The following GTF2IRD2B variants were observed in gnomAD, a reference collection of about 807,000 sequenced individuals.
GTF2IRD2B encodes general transcription factor II-I repeat domain-containing protein 2B.
In GTF2IRD2B, 10 loss-of-function variants were observed where a neutral mutation model predicts 55.6. The ratio of observed to expected loss-of-function variants is 0.18; its 90% confidence interval spans 0.11 to 0.31. The LOEUF (loss-of-function observed/expected upper bound fraction) is 0.31, where lower values mean the gene tolerates loss of function less well. GTF2IRD2B is among the 10% of genes least tolerant of loss of function. The pLI is 1.00. For missense variants in GTF2IRD2B, 206 were observed against 802.7 expected (o/e 0.26, Z 8.98); for synonymous variants, 107 against 320.5 (o/e 0.33, Z 7.12).
At chr7:75,115,507 T>C (rs1442972692) in intron 3 of GTF2IRD2B, among the ~76,000 whole-genome samples, 34 of 144,362 alleles carry the variant, frequency 2.4e-4, no homozygotes, top group Admixed American at 6.3e-4. Flanking sequence ...GACCACAACC[T>C]CTGCCTCCTC....
chr7:75,130,091 C>CTCT (rs1554452780), intron 8 of GTF2IRD2B, among the ~76,000 whole-genome samples: 1 of 77,518 alleles, frequency 1.3e-5, no homozygotes, highest in African/African-American at 4.7e-5. Flanking sequence ...AATTTATTTT[C>CTCT]TCTTTCTTTC....
chr7:75,116,625 G>A (rs1808165707), intron 3 of GTF2IRD2B, among the ~76,000 whole-genome samples: 1 of 134,806 alleles, frequency 7.4e-6, no homozygotes, highest in Non-Finnish European at 1.6e-5. Flanking sequence ...GGGAGAGAGG[G>A]CATCTTTGCC....
intron 1 of GTF2IRD2B, among the ~76,000 whole-genome samples, chr7:75,096,399 G>A (rs1360319896): frequency 4.2e-5 from 1 of 23,926 alleles, no homozygotes; most frequent in African/African-American, 3.2e-4. Context: ...GGGATTACAG[G>A]TGCGTGCCAC....
intron 8 of GTF2IRD2B, 161 bp downstream of exon 8, chr7:75,126,546 CA>C: frequency 1.4e-6 from 1 of 696,406 alleles, no homozygotes; most frequent in Admixed American, 2.1e-5. Context: ...CCTAAAAATA[CA>C]AAAATTAGCC....
intron 3 of GTF2IRD2B, among the ~76,000 whole-genome samples, chr7:75,114,304 C>T (rs1242893813): frequency 1.3e-5 from 2 of 151,476 alleles, no homozygotes; most frequent in African/African-American, 4.9e-5. Context: ...TTTCTAATCA[C>T]TGGAATTTAC....
chr7:75,132,726 T>C (rs1341143547), intron 8 of GTF2IRD2B, among the ~76,000 whole-genome samples: 1 of 145,612 alleles, frequency 6.9e-6, no homozygotes, highest in Non-Finnish European at 1.5e-5. Flanking sequence ...CTAATTTTTG[T>C]AGTTTTAGTA....
chr7:75,101,786 C>G (rs1554449570), intron 1 of GTF2IRD2B, among the ~76,000 whole-genome samples: 1 of 141,250 alleles, frequency 7.1e-6, no homozygotes, highest in Admixed American at 7.5e-5. Flanking sequence ...CCTAGCTACT[C>G]AGGAGGCTGA....
At chr7:75,105,520 G>C (rs71273593) in intron 1 of GTF2IRD2B, among the ~76,000 whole-genome samples, 7 of 151,412 alleles carry the variant, frequency 4.6e-5, no homozygotes, top group Admixed American at 3.9e-4. Flanking sequence ...CAAACAAACA[G>C]ACAACCAAAT....
chr7:75,099,781 T>TAAATAAATAAAA (rs1486185057), intron 1 of GTF2IRD2B, among the ~76,000 whole-genome samples: 54 of 139,464 alleles, frequency 3.9e-4, no homozygotes, highest in Non-Finnish European at 6.2e-4. Context: ...AATAAATAAA[T>TAAATAAATAAAA]AAAACATAAT....
At chr7:75,110,876 CAAGGT>C in intron 2 of GTF2IRD2B, among the ~76,000 whole-genome samples, 1 of 71,536 alleles carries the variant, frequency 1.4e-5, no homozygotes, top group African/African-American at 3.4e-5. Context: ...AGGCAGATCA[CAAGGT>C]CAGGAGTTCG....
At chr7:75,147,503 C>T (rs587682495) in intron 15 of GTF2IRD2B, among the ~76,000 whole-genome samples, 191 bp from the exon 16 acceptor site, 16 of 152,170 alleles carry the variant, frequency 1.1e-4, no homozygotes, top group African/African-American at 2.2e-4. Flanking sequence ...CCACAGCTGG[C>T]GTCCTGGCAG....
In GTF2IRD2B at chr7:75,147,881, G is replaced by A. The variant is rs371141430; in HGVS notation, c.1434G>A (p.Thr478=). 1.4e-5 allele frequency: 21 copies of A among 1,494,958 alleles called. No individual in the cohort carries two copies. In the African/African-American group the frequency reaches 1.8e-4, roughly 13 times the overall value. 92.6% of individuals were successfully genotyped at this position (1,494,958 alleles called of 1,614,324 possible). Residue 478 remains threonine (T), a synonymous_variant, in exon 16 of 16, where the codon ACG becomes ACA. Coordinates refer to ENST00000472837, the MANE Select transcript of GTF2IRD2B (RefSeq NM_001003795.3). ...TNHSKHYDQY[T]ERMRDEKLHE... ...ACAGCAAGCATTATGACCAGTATAC[G>A]GAAAGAATGCGTGACGAGAAGCTTC...
chr7:75,135,114 T>C (rs587698831), intron 10 of GTF2IRD2B, 57 bp downstream of exon 10: 4 of 1,119,934 alleles, frequency 3.6e-6, no homozygotes, highest in South Asian at 3.1e-5. Flanking sequence ...TAGAAGTTTA[T>C]AGTATTTTAC....
At chr7:75,121,699 T>C (rs1233285979) in intron 4 of GTF2IRD2B, among the ~76,000 whole-genome samples, 2 of 151,722 alleles carry the variant, frequency 1.3e-5, no homozygotes, top group Non-Finnish European at 2.9e-5. Context: ...CCTCAGGTGA[T>C]CCTCCTGCCT....
At chr7:75,105,422 C>T (rs1321114099) in intron 1 of GTF2IRD2B, among the ~76,000 whole-genome samples, 12 of 152,280 alleles carry the variant, frequency 7.9e-5, no homozygotes, top group Admixed American at 5.9e-4. Flanking sequence ...GAGAATCGCT[C>T]GAACCCAGGA....
At chr7:75,109,292 G>A (rs1431046694) in intron 2 of GTF2IRD2B, among the ~76,000 whole-genome samples, 1 of 145,786 alleles carries the variant, frequency 6.9e-6, no homozygotes, top group African/African-American at 2.4e-5. Flanking sequence ...TCCTGCCTCA[G>A]CCTCCTGGGT....
chr7:75,101,851 G>GCCA (rs1335956171), intron 1 of GTF2IRD2B, among the ~76,000 whole-genome samples: 4 of 120,892 alleles, frequency 3.3e-5, no homozygotes, highest in Non-Finnish European at 6.5e-5. Context: ...CTGTGATTGT[G>GCCA]CCACTGCACT....
At chr7:75,116,648 T>TC (rs1205877750) in intron 3 of GTF2IRD2B, among the ~76,000 whole-genome samples, 2 of 145,076 alleles carry the variant, frequency 1.4e-5, no homozygotes, top group Non-Finnish European at 3.0e-5. Flanking sequence ...TTCTTTTTTT[T>TC]TTTTTTTTCT....
Position 75,119,987 on chromosome 7 carries a change from G to A in GTF2IRD2B, c.239-904G>A, listed in dbSNP as rs1554451771. Among the ~76,000 whole-genome samples the A allele has an allele frequency of 1.5e-5, 2 of 129,778 alleles. 1 individual carries two copies. The highest frequency in any genetic ancestry group is 7.2e-5 in the African/African-American group (2 of 27,746). The allele number at this position is 129,778 out of a possible 152,430, so 85.1% of individuals were successfully genotyped here. Reference sequence around the variant, plus strand: ...ACTAAAAAATACAAAAACTTAGCCGGGCGTGGTGGCAGGCACCTGTAGTCC... The same window carrying A: ...ACTAAAAAATACAAAAACTTAGCCGAGCGTGGTGGCAGGCACCTGTAGTCC... On this transcript the variant is annotated intron_variant, in intron 3 of 15. Coordinates refer to ENST00000472837, the MANE Select transcript of GTF2IRD2B (RefSeq NM_001003795.3).
Sources: allele counts gnomAD v4.1 joint callset (sites outside exome capture counted in the v4.1 genomes callset), GRCh38; gene constraint gnomAD v4.1.1; transcripts MANE v1.5; gene names NCBI Gene and HGNC (gene_info 2026-07-23, HGNC 2026-07-21).